Variants in SIAH1 observed in about 807,000 individuals in gnomAD.
SIAH1 encodes the protein siah E3 ubiquitin protein ligase 1, also known as E3 ubiquitin-protein ligase SIAH1.
Under a neutral mutation model 20.0 loss-of-function variants are expected in SIAH1, and 2 were observed. That is an observed-to-expected ratio of 0.10 (90% confidence interval 0.04 to 0.31). The LOEUF (loss-of-function observed/expected upper bound fraction) is 0.31, where lower values mean the gene tolerates loss of function less well. SIAH1 is among the 10% of genes least tolerant of loss of function. The pLI is 1.00. For missense variants in SIAH1, 119 were observed against 355.3 expected, an observed-to-expected ratio of 0.33 and a Z score of 5.35; for synonymous variants, 118 against 125.3, an observed-to-expected ratio of 0.94 and a Z score of 0.39.
chr16:48,365,614 G>C, intron 1 of SIAH1: 1 of 1,451,024 alleles, frequency 6.9e-7, no homozygotes. Flanking sequence ...CTTCTCAGAA[G>C]CACCAGTTAC....
intron 1 of SIAH1, among the ~76,000 whole-genome samples, chr16:48,370,988 C>T (rs1960971016): frequency 6.6e-6 from 1 of 151,884 alleles, no homozygotes; most frequent in Non-Finnish European, 1.5e-5. Flanking sequence ...GTGGCAGGTG[C>T]CTGTAATCCC....
rs1428733681 is a variant in SIAH1 at position 48,376,020 on chromosome 16, T to C, written c.-3+9184A>G. Among the ~76,000 whole-genome samples the C allele has an allele frequency of 2.6e-5, 4 of 152,208 alleles. No individual in the cohort carries two copies. The East Asian group carries it at 5.8e-4, about 22-fold the overall frequency. ...AATTACAGTACACAGTTCAAACATA[T>C]ATAGTTCTTAGAGATGATAATCATG... On this transcript the variant is annotated intron_variant, in intron 1 of 1. Coordinates refer to ENST00000394725, the MANE Select transcript of SIAH1 (RefSeq NM_003031.4).
At chr16:48,377,213 C>A (rs1961131834) in intron 1 of SIAH1, among the ~76,000 whole-genome samples, 1 of 151,984 alleles carries the variant, frequency 6.6e-6, no homozygotes, top group African/African-American at 2.4e-5. Flanking sequence ...ATTCCATGTG[C>A]CCGGACTCCC....
chr16:48,366,007 T>C (rs904205072), intron 1 of SIAH1: 3 of 694,944 alleles, frequency 4.3e-6, no homozygotes, highest in Non-Finnish European at 3.7e-6. Context: ...CACAGGGCGA[T>C]GCCCGTCTTG....
chr16:48,382,024 A>T (rs923409467), intron 1 of SIAH1, among the ~76,000 whole-genome samples: 10 of 152,180 alleles, frequency 6.6e-5, no homozygotes, highest in African/African-American at 2.4e-4. Context: ...TGCTCTAAAA[A>T]ATAAAGTCAA....
At chr16:48,385,624 TGCGCCCGTGCACC>T, upstream of SIAH1, among the ~76,000 whole-genome samples, 1 of 152,040 alleles carries the variant, frequency 6.6e-6, no homozygotes, top group Non-Finnish European at 1.5e-5. Flanking sequence ...CTACCGTTGC[TGCGCCCGTGCACC>T]GCGCATTCAA....
rs1011190017 is a variant in SIAH1 at position 48,360,784 on chromosome 16, A to C, written c.*796T>G. On this transcript the variant is annotated 3_prime_UTR_variant, in exon 2 of 2. Coordinates refer to ENST00000394725, the MANE Select transcript of SIAH1 (RefSeq NM_003031.4). ...CAATTTATTCTCTAACCTTTCAAAG[A>C]TTAAGCTCAAAGGTGTGACTCATCT... 2 of 152,456 alleles carry C rather than the reference A, an allele frequency of 1.3e-5. No homozygotes were observed. Among genetic ancestry groups the C allele is most frequent in the East Asian group, 3.8e-4 (2 of 5,206 alleles). The allele number at this position is 152,456 out of a possible 1,614,324, so 9.4% of individuals were successfully genotyped here. A position where few individuals can be genotyped will look rare whatever the true frequency, so the allele number is the denominator to read the frequency against.
intron 1 of SIAH1, among the ~76,000 whole-genome samples, chr16:48,384,727 G>A (rs1203496493): frequency 6.6e-6 from 1 of 151,476 alleles, no homozygotes; most frequent in African/African-American, 2.4e-5. Context: ...GCCGCGGGGA[G>A]GAGGGGGAGG....
intron 1 of SIAH1, chr16:48,365,802 CAG>C: frequency 7.8e-7 from 1 of 1,280,530 alleles, no homozygotes; most frequent in Non-Finnish European, 9.9e-7. Flanking sequence ...GGGTCCTGCC[CAG>C]CTCCAGTGGA....
chr16:48,367,120 G>A (rs1361992108), intron 1 of SIAH1, among the ~76,000 whole-genome samples: 2 of 152,098 alleles, frequency 1.3e-5, no homozygotes, highest in African/African-American at 2.4e-5. Context: ...GGCTGGTCTC[G>A]AACTCCTGGG....
At position 48,362,368 on chromosome 16, in the gene SIAH1, T is replaced by G. The variant is rs755907200; in HGVS notation, c.61A>C (p.Arg21=). The change falls in exon 2 of 2, where the codon AGG becomes CGG. Residue 21 remains arginine, a synonymous_variant. Transcript: ENST00000394725. This position sits in a 1 kb window ranked among gnomAD's most constrained non-coding sequence, Gnocchi z 4.2. ...GTTGTGCCAGTCAGGGCAGGCACCC[T>G]CTGGGATGGTGGACACTTCGAGGTA... The part of the protein sequence containing the change: ...TGTSKCPPSQ[R]VPALTGTTAS... 5.6e-6 allele frequency: 9 copies of G among 1,614,180 alleles called. No individual in the cohort carries two copies.
chr16:48,364,214 A>G (rs538080836), intron 1 of SIAH1, among the ~76,000 whole-genome samples: 5 of 152,246 alleles, frequency 3.3e-5, no homozygotes, highest in African/African-American at 9.6e-5. Flanking sequence ...TGCTGGGATT[A>G]CAGGCATGAG....
At chr16:48,379,794 T>C (rs1181422529) in intron 1 of SIAH1, among the ~76,000 whole-genome samples, 6 of 152,176 alleles carry the variant, frequency 3.9e-5, no homozygotes, top group African/African-American at 1.4e-4. Flanking sequence ...TCTCAGCTAG[T>C]GATGTCCAGG....
chr16:48,384,830 G>A (rs928522141), intron 1 of SIAH1, among the ~76,000 whole-genome samples: 1 of 148,096 alleles, frequency 6.8e-6, no homozygotes, highest in East Asian at 2.0e-4. Context: ...GCCGGCACGA[G>A]GGCGCGGGGC....
At chr16:48,367,999 T>G (rs1960885132) in intron 1 of SIAH1, among the ~76,000 whole-genome samples, 1 of 152,252 alleles carries the variant, frequency 6.6e-6, no homozygotes, top group African/African-American at 2.4e-5. Flanking sequence ...CTTAGTAATT[T>G]CAGAGCATTC....
chr16:48,384,686 G>A (rs1044259136), intron 1 of SIAH1, among the ~76,000 whole-genome samples: 2 of 151,068 alleles, frequency 1.3e-5, no homozygotes, highest in African/African-American at 2.4e-5. Context: ...GAGGCCCGCC[G>A]AGCGGCGCGG....
At chr16:48,381,552 G>A (rs1961292525) in intron 1 of SIAH1, among the ~76,000 whole-genome samples, 1 of 152,124 alleles carries the variant, frequency 6.6e-6, no homozygotes, top group Non-Finnish European at 1.5e-5. Flanking sequence ...GGTACATCTA[G>A]ACAACAGATT....
At chr16:48,384,772 T>C (rs1031445552) in intron 1 of SIAH1, among the ~76,000 whole-genome samples, 2 of 150,952 alleles carry the variant, frequency 1.3e-5, no homozygotes, top group African/African-American at 2.4e-5. Flanking sequence ...CGCACTCAGC[T>C]GACCTCCGCC....
At chr16:48,379,890 G>A (rs1246561994) in intron 1 of SIAH1, among the ~76,000 whole-genome samples, 1 of 152,158 alleles carries the variant, frequency 6.6e-6, no homozygotes, top group Admixed American at 6.5e-5. Flanking sequence ...GCCAGCTCAG[G>A]AGAGGCTATG....
Sources: allele counts gnomAD v4.1 joint callset (sites outside exome capture counted in the v4.1 genomes callset), GRCh38; gene constraint gnomAD v4.1.1; non-coding constraint Gnocchi (gnomAD v3.1); transcripts MANE v1.5; gene names NCBI Gene and HGNC (gene_info 2026-07-23, HGNC 2026-07-21).